PAK3: variants seen among roughly 807,000 people sequenced by gnomAD.
The protein encoded by PAK3 is p21 (RAC1) activated kinase 3.
A neutral mutation model predicts 41.0 loss-of-function variants in PAK3; 4 were observed. That is an observed-to-expected ratio of 0.10 (90% confidence interval 0.05 to 0.22). The LOEUF is 0.22. PAK3 is among the 10% of genes least tolerant of loss of function. The probability of loss-of-function intolerance (pLI) is 1.00; values close to 1 mark genes in which losing one functional copy is unlikely to be tolerated. For missense variants in PAK3, 205 were observed against 409.9 expected, an observed-to-expected ratio of 0.50 and a Z score of 4.32; for synonymous variants, 146 against 139.6, an observed-to-expected ratio of 1.05 and a Z score of -0.32.
At chrX:111,109,933 A>G (rs1429754737) in intron 4 of PAK3, among the ~76,000 whole-genome samples, 1 of 112,218 alleles carries the variant, frequency 8.9e-6, no homozygotes. Context: ...TTGATGTCAC[A>G]TAGACATGGG....
chrX:110,990,036 G>C (rs752365183), intron 1 of PAK3, among the ~76,000 whole-genome samples: 1 of 111,960 alleles, frequency 8.9e-6, no homozygotes, highest in Admixed American at 9.4e-5. Context: ...TTATAGGAAT[G>C]TTATTATCAT....
intron 1 of PAK3, among the ~76,000 whole-genome samples, chrX:111,005,510 T>C (rs1227879097): frequency 8.9e-6 from 1 of 111,740 alleles, no homozygotes; most frequent in Non-Finnish European, 1.9e-5. Context: ...TACATTTCCT[T>C]CTAGTCCAGT....
intron 4 of PAK3, among the ~76,000 whole-genome samples, chrX:111,121,387 T>G (rs1259001691): frequency 8.9e-6 from 1 of 112,175 alleles, no homozygotes; most frequent in African/African-American, 3.2e-5. Flanking sequence ...GAGAAGCTAT[T>G]AATTGATAGT....
At position 110,996,344 on chromosome X, in the gene PAK3, G is replaced by A. The variant is rs145798037; in HGVS notation, c.-28+51716G>A. On this transcript the variant is annotated intron_variant, in intron 1 of 14. Transcript: ENST00000425146. ...TACTCAAAACATGGAAATTAAACTA[G>A]TGGACATACTAAACACAAATCCCAA... Among the ~76,000 whole-genome samples, 921 of 112,222 alleles carry A rather than the reference G, an allele frequency of 8.2e-3. 8 individuals carry two copies. The highest frequency in any genetic ancestry group is 0.028 in the African/African-American group (855 of 30,919).
At chrX:111,180,263 T>C (rs1303656589) in intron 11 of PAK3, among the ~76,000 whole-genome samples, 1 of 111,851 alleles carries the variant, frequency 8.9e-6, no homozygotes, top group African/African-American at 3.2e-5. Context: ...ATTCCATCTT[T>C]AGCTAATGGG....
At chrX:111,064,579 A>G (rs1195228880) in intron 1 of PAK3, among the ~76,000 whole-genome samples, 2 of 111,490 alleles carry the variant, frequency 1.8e-5, no homozygotes, top group African/African-American at 6.5e-5. Flanking sequence ...TAATTCAATT[A>G]AATAATGGTC....
At chrX:111,206,300 A>C (rs1298357392) in intron 16 of PAK3, among the ~76,000 whole-genome samples, 1 of 111,296 alleles carries the variant, frequency 9.0e-6, no homozygotes, top group East Asian at 2.8e-4. Context: ...GTACCTACCC[A>C]CATCCCTACT....
chrX:111,160,596 C>A (rs982324317), intron 8 of PAK3, among the ~76,000 whole-genome samples: 75 of 108,993 alleles, frequency 6.9e-4, no homozygotes, highest in Middle Eastern at 4.8e-3. Context: ...AGGTATATCA[C>A]CTAATGCTAT....
rs763041862 is a variant in PAK3 at position 111,193,788 on chromosome X, CA to C, written c.993-505del. ...AACAAAAAACAAAAACAAAAAAAAACAAAAAAAACAATGCATTTGCACTTAT... is the reference window on the plus strand; with the variant it reads ...AACAAAAAACAAAAACAAAAAAAAACAAAAAAACAATGCATTTGCACTTAT... On this transcript the variant is annotated intron_variant, in intron 13 of 17. Coordinates refer to ENST00000372007, the MANE Select transcript of PAK3 (RefSeq NM_002578.5). Among the ~76,000 whole-genome samples, 6 of 109,181 alleles carry C rather than the reference CA, an allele frequency of 5.5e-5. No homozygotes were observed. In the East Asian group the frequency reaches 8.6e-4, roughly 16 times the overall value. 94.8% of individuals were successfully genotyped at this position (109,181 alleles called of 115,157 possible).
chrX:111,168,137 A>T (rs1193137613), intron 10 of PAK3, among the ~76,000 whole-genome samples: 5 of 111,919 alleles, frequency 4.5e-5, no homozygotes, highest in Admixed American at 9.5e-5. Context: ...ATAATCTTTT[A>T]ATGGTGGGAG....
At chrX:111,135,071 A>T (rs1456840217) in intron 5 of PAK3, among the ~76,000 whole-genome samples, 3 of 110,973 alleles carry the variant, frequency 2.7e-5, no homozygotes, top group Non-Finnish European at 1.9e-5. Context: ...CCACAGGAGG[A>T]ATCGGGAAGA....
chrX:111,105,275 TCA>T (rs923837889), intron 4 of PAK3, among the ~76,000 whole-genome samples: 5 of 111,137 alleles, frequency 4.5e-5, no homozygotes, highest in African/African-American at 1.6e-4. Flanking sequence ...TATCATATTC[TCA>T]CACACACACA....
At chrX:111,040,109 G>A (rs1321827709) in intron 1 of PAK3, among the ~76,000 whole-genome samples, 1 of 111,030 alleles carries the variant, frequency 9.0e-6, no homozygotes, top group African/African-American at 3.3e-5. Flanking sequence ...GACTCAACCT[G>A]GTTCCAGAGA....
chrX:110,948,076 C>A (rs950267610), intron 1 of PAK3, among the ~76,000 whole-genome samples: 1 of 112,138 alleles, frequency 8.9e-6, no homozygotes, highest in African/African-American at 3.2e-5. Context: ...AATTATTGGG[C>A]AGACTGCCTC....
At chrX:110,982,686 A>G (rs2091468542) in intron 1 of PAK3, among the ~76,000 whole-genome samples, 1 of 111,766 alleles carries the variant, frequency 8.9e-6, no homozygotes, top group African/African-American at 3.3e-5. Flanking sequence ...GGGCAGGTCC[A>G]CAACCTGTTA....
chrX:111,021,826 T>TA (rs201626124), intron 1 of PAK3, among the ~76,000 whole-genome samples: 48 of 109,283 alleles, frequency 4.4e-4, no homozygotes, highest in African/African-American at 6.3e-4. Context: ...ATAGCATGAA[T>TA]AAAAAAAATC....
Position 111,205,875 on chromosome X carries a change from A to G in PAK3, c.1407+9235A>G, listed in dbSNP as rs944923145. On this transcript the variant is annotated intron_variant, in intron 16 of 17. Coordinates refer to ENST00000372007, the MANE Select transcript of PAK3 (RefSeq NM_002578.5). ...TGGTAATTTGGAAAAGCCCAAAAGA[A>G]TAAGAGTGCTAGTCCCTTCTTGCAC... is the stretch of plus-strand genomic sequence containing the variant. Among the ~76,000 whole-genome samples the G allele has an allele frequency of 9.8e-5, 11 of 112,051 alleles. 1 individual carries two copies. The highest frequency in any genetic ancestry group is 2.8e-4 in the Admixed American group (3 of 10,540).
At chrX:111,010,744 C>CT (rs2092000223) in intron 1 of PAK3, among the ~76,000 whole-genome samples, 1 of 111,916 alleles carries the variant, frequency 8.9e-6, no homozygotes, top group Non-Finnish European at 1.9e-5. Context: ...TGGTGCCATG[C>CT]TTGTACAGCC....
chrX:111,122,098 C>CA (rs1375525354), intron 4 of PAK3, among the ~76,000 whole-genome samples: 4 of 106,152 alleles, frequency 3.8e-5, no homozygotes, highest in African/African-American at 1.0e-4. Context: ...ACTAAAAATA[C>CA]AAAAAAAATT....
Sources: allele counts gnomAD v4.1 joint callset (sites outside exome capture counted in the v4.1 genomes callset), GRCh38; gene constraint gnomAD v4.1.1; transcripts MANE v1.5; gene names NCBI Gene and HGNC (gene_info 2026-07-23, HGNC 2026-07-21).